PLEKHG6: variants seen among roughly 807,000 people sequenced by gnomAD.
PLEKHG6 encodes pleckstrin homology and RhoGEF domain containing G6.
A neutral mutation model predicts 97.5 loss-of-function variants in PLEKHG6; 91 were observed. The ratio of observed to expected loss-of-function variants is 0.93; its 90% CI spans 0.79 to 1.11. The LOEUF (loss-of-function observed/expected upper bound fraction) is 1.11. Ranked by LOEUF, PLEKHG6 falls within the 50% of genes most tolerant of loss-of-function variation. PLEKHG6 has a pLI of 0.00. For missense variants in PLEKHG6, 1,044 were observed against 1,031.0 expected, an observed-to-expected ratio of 1.01 and a Z score of -0.17; for synonymous variants, 466 against 425.5, an observed-to-expected ratio of 1.10 and a Z score of -1.17.
intron 8 of PLEKHG6, 64 bp from the exon 9 acceptor site, chr12:6,317,483 C>T: frequency 6.2e-7 from 1 of 1,611,662 alleles, no homozygotes; most frequent in Non-Finnish European, 8.5e-7. Flanking sequence ...GAGCCTGAGG[C>T]TGAGTTCACC....
chr12:6,317,356 C>T lies in PLEKHG6; in HGVS notation c.810C>T (p.Thr270=), dbSNP rs1247380335. ...AGTACTGCCTCCGAGTGAAGCAGAC[C>T]ATGGCTTACGCCCGAGAACAGCAAG... The part of the protein sequence containing the change: ...YVQYCLRVKQ[T]MAYAREQQET... The change falls in exon 8 of 16, where the codon ACC becomes ACT. Residue 270 remains threonine (T), a synonymous_variant. Transcript: ENST00000684764. 1 of 1,613,930 alleles carries T rather than the reference C, an allele frequency of 6.2e-7. No homozygotes were observed. The highest frequency in any genetic ancestry group is 8.5e-7 in the Non-Finnish European group (1 of 1,179,972).
rs1226276547 is a variant in PLEKHG6, at chr12:6,319,376, AAGTGGAGGTTGC to A, written c.1524+273_1524+284del. 2.3e-5 allele frequency: 16 copies of A among 687,046 alleles called. No homozygotes were observed. In the East Asian group the frequency reaches 4.4e-4, roughly 19 times the overall value. The allele number at this position is 687,046 out of a possible 1,614,324, so 42.6% of individuals were successfully genotyped here. ...GGCAGGAGAATCACTTGAGCCCGGG[AAGTGGAGGTTGC>A]AGTGACCTGAGATCGTGCCACTGCA... On this transcript the variant is annotated intron_variant, in intron 13 of 15. Coordinates refer to ENST00000684764, the MANE Select transcript of PLEKHG6 (RefSeq NM_001384598.1).
rs187625482 is a variant in PLEKHG6, at chr12:6,318,624, C to T, written c.1276-121C>T. 280 of 1,242,074 alleles carry T rather than the reference C, an allele frequency of 2.3e-4. 2 individuals are homozygous for T. In the East Asian group the frequency reaches 5.2e-3, roughly 23 times the overall value. The allele number at this position is 1,242,074 out of a possible 1,614,324, so 76.9% of individuals were successfully genotyped here. Reference sequence around the variant, plus strand: ...CCAAAGCGACGCCCCTGGCCACTCCCGCATTTGGGCTCTGCGTGTGTCCCT... The same window carrying T: ...CCAAAGCGACGCCCCTGGCCACTCCTGCATTTGGGCTCTGCGTGTGTCCCT... On this transcript the variant is annotated intron_variant, in intron 11 of 15. Coordinates refer to ENST00000684764, the MANE Select transcript of PLEKHG6 (RefSeq NM_001384598.1).
Position 6,327,563 on chromosome 12 carries a change from C to A in PLEKHG6, c.1980C>A (p.Pro660=). The part of the protein sequence containing the change: ...PEGILKGGSL[P]QEDPPTWSEE... ...GAATCCTAAAAGGAGGCAGTCTTCCCCAGGAAGACCCACCAACCTGGTCTG... is the reference window on the plus strand; with the variant it reads ...GAATCCTAAAAGGAGGCAGTCTTCCACAGGAAGACCCACCAACCTGGTCTG... Residue 660 remains proline, a synonymous_variant, in exon 15 of 16, where the codon CCC becomes CCA. Transcript: ENST00000684764. 1 of 1,600,248 alleles carries A rather than the reference C, an allele frequency of 6.2e-7. No individual in the cohort carries two copies. The highest frequency in any genetic ancestry group is 2.3e-5 in the East Asian group (1 of 43,888).
chr12:6,321,763 C>G (rs1339944214), intron 13 of PLEKHG6, among the ~76,000 whole-genome samples: 2 of 136,910 alleles, frequency 1.5e-5, no homozygotes, highest in Non-Finnish European at 3.0e-5. Flanking sequence ...GGAGGCGGAG[C>G]TTGCAGTGAG....
At chr12:6,323,613 G>A (rs778934815) in intron 13 of PLEKHG6, among the ~76,000 whole-genome samples, 2 of 152,226 alleles carry the variant, frequency 1.3e-5, no homozygotes, top group African/African-American at 2.4e-5. Flanking sequence ...AGAAAGAGCC[G>A]TCAGAGATGG....
rs79471855 is a variant in PLEKHG6 at position 6,319,529 on chromosome 12, G to A, written c.1524+421G>A. The stretch of plus-strand genomic sequence containing the variant: ...GCAGAGGGGAGGAGGAGAGAGGCTG[G>A]GGTGGATTCAGTTTCAGACTGGACA... On this transcript the variant is annotated intron_variant, in intron 13 of 15. Coordinates refer to ENST00000684764, the MANE Select transcript of PLEKHG6 (RefSeq NM_001384598.1). The A allele has an allele frequency of 2.8e-3, 4,300 of 1,521,780 alleles. 77 individuals are homozygous for A. In the African/African-American group the frequency reaches 0.048, roughly 17 times the overall value. 94.3% of individuals were successfully genotyped at this position (1,521,780 alleles called of 1,614,324 possible).
intron 2 of PLEKHG6, among the ~76,000 whole-genome samples, chr12:6,313,410 G>C (rs1947340992): frequency 6.6e-6 from 1 of 152,214 alleles, no homozygotes. Context: ...GAGCCAGGCT[G>C]TCTTGCCTCT....
chr12:6,313,965 C>T (rs531894699), intron 3 of PLEKHG6, among the ~76,000 whole-genome samples, 181 bp downstream of exon 3: 153 of 152,348 alleles, frequency 1.0e-3, no homozygotes, highest in Non-Finnish European at 1.8e-3. Context: ...TGCATGGCAA[C>T]CAGGGACTTT....
At chr12:6,321,863 A>C (rs1353766809) in intron 13 of PLEKHG6, among the ~76,000 whole-genome samples, 1 of 148,634 alleles carries the variant, frequency 6.7e-6, no homozygotes, top group Non-Finnish European at 1.5e-5. Flanking sequence ...GAGAAGGGGG[A>C]GCCTTAGGGA....
In PLEKHG6 at chr12:6,319,092, A is replaced by G. The variant is rs759594686; in HGVS notation, c.1508A>G (p.Lys503Arg). The part of the protein sequence containing the change: ...SPTDRAQWLE[K>R]TQQAQAALQK... ...ACAGACCGTGCCCAGTGGCTGGAGA[A>G]GACCCAGCAGGCCCAGGTATGGGAA... The change falls in exon 13 of 16, where the codon AAG becomes AGG. Residue 503 changes from lysine to arginine, a missense_variant. Coordinates refer to ENST00000684764, the MANE Select transcript of PLEKHG6 (RefSeq NM_001384598.1). 2.4e-5 allele frequency: 38 copies of G among 1,606,138 alleles called. No homozygotes were observed. The highest frequency in any genetic ancestry group is 3.0e-5 in the Non-Finnish European group (35 of 1,173,954).
intron 13 of PLEKHG6, among the ~76,000 whole-genome samples, chr12:6,325,775 C>G (rs1033737526): frequency 1.3e-5 from 2 of 152,202 alleles, no homozygotes; most frequent in African/African-American, 4.8e-5. Context: ...GATAACAGGT[C>G]TGCCAATGGG....
intron 10 of PLEKHG6, 37 bp downstream of exon 10, chr12:6,318,031 G>T: frequency 6.4e-7 from 1 of 1,553,180 alleles, no homozygotes; most frequent in South Asian, 1.2e-5. Context: ...GGAAAAGCAA[G>T]GTCCCAGGGA....
At chr12:6,312,846 C>T (rs1947322165) in intron 2 of PLEKHG6, 4 of 1,288,338 alleles carry the variant, frequency 3.1e-6, no homozygotes, top group African/African-American at 1.5e-5. Flanking sequence ...GCCTGGCTCT[C>T]CTCCAGTCCT....
chr12:6,313,789 G>A lies in PLEKHG6; in HGVS notation c.294+5G>A. 1 of 1,564,470 alleles carries A rather than the reference G, an allele frequency of 6.4e-7. No individual in the cohort carries two copies. Among genetic ancestry groups the A allele is most frequent in the East Asian group, 2.3e-5 (1 of 44,256 alleles). On this transcript the variant is annotated splice_donor_5th_base_variant and intron_variant, in intron 3 of 15. Coordinates refer to ENST00000684764, the MANE Select transcript of PLEKHG6 (RefSeq NM_001384598.1). ...CTTCACTCCCCCAAACTCAAGGTAA[G>A]GGGGTCCCTCTCCTCCCATCCCCAC...
chr12:6,323,607 AG>A (rs1476798487), intron 13 of PLEKHG6, among the ~76,000 whole-genome samples: 1 of 152,258 alleles, frequency 6.6e-6, no homozygotes, highest in African/African-American at 2.4e-5. Flanking sequence ...AGGAACAGAA[AG>A]AGCCGTCAGA....
chr12:6,315,888 T>A lies in PLEKHG6; in HGVS notation c.575T>A (p.Leu192Gln), dbSNP rs139636646. The change falls in exon 6 of 16, where the codon CTG becomes CAG. Residue 192 changes from leucine (L) to glutamine (Q), a missense_variant. Transcript: ENST00000684764. This position sits in a 1 kb window ranked among gnomAD's most constrained non-coding sequence, Gnocchi z 4.5. ...CTGCAGCTGCTAGCCGCCGGCCTGC[T>A]GAACCTGCAGCGAGTGGGACTGCTG... ...IMTDLLAAGLLNLQRVGLLME... is the reference protein window; with the variant it reads ...IMTDLLAAGLQNLQRVGLLME... The A allele has an allele frequency of 2.5e-6, 4 of 1,577,372 alleles. No homozygotes were observed. The African/African-American group carries it at 5.4e-5, about 21-fold the overall frequency.
Position 6,327,479 on chromosome 12 carries a change from T to TGGGGCCCCCCCC in PLEKHG6, c.1896_1897insGGGGCCCCCCCC (p.Arg632_Pro633insGlyAlaProPro). ...TGGAACTCCGGGACATCCCTCTGCG[T>TGGGGCCCCCCCC]CCCCACCCTCCCGACCCCCAAGCTC... On this transcript the variant is annotated inframe_insertion, in exon 15 of 16. Coordinates refer to ENST00000684764, the MANE Select transcript of PLEKHG6 (RefSeq NM_001384598.1). 2.9e-5 allele frequency: 47 copies of TGGGGCCCCCCCC among 1,603,122 alleles called. No individual in the cohort carries two copies. The highest frequency in any genetic ancestry group is 3.9e-5 in the Non-Finnish European group (46 of 1,171,582).
At chr12:6,328,056 A>AG (rs1277042820) in intron 15 of PLEKHG6, 80 bp from the exon 16 acceptor site, 15 of 1,594,800 alleles carry the variant, frequency 9.4e-6, no homozygotes, top group African/African-American at 1.3e-5. Context: ...TGAGGCAGGA[A>AG]GGGCTCTCCG....
Sources: gnomAD v4.1 joint callset for allele counts (sites outside exome capture counted in the v4.1 genomes callset) on GRCh38, gnomAD v4.1.1 for gene constraint, Gnocchi (gnomAD v3.1) non-coding constraint, MANE v1.5 for transcripts, NCBI Gene and HGNC (gene_info 2026-07-23, HGNC 2026-07-21) for gene names.